SEZ6: variants seen among roughly 807,000 people sequenced by gnomAD.
SEZ6 encodes seizure protein 6 homolog.
Under a neutral mutation model 101.0 loss-of-function variants are expected in SEZ6, and 53 were observed. The observed-to-expected ratio is 0.52, with a 90% CI of 0.42 to 0.66. The LOEUF (loss-of-function observed/expected upper bound fraction) is 0.66, where lower values mean the gene tolerates loss of function less well. Among genes scored for constraint, SEZ6 ranks in the 30% least tolerant of loss-of-function variants. SEZ6 has a pLI of 0.00. For synonymous variants in SEZ6, 488 were observed against 512.2 expected, an observed-to-expected ratio of 0.95 and a Z score of 0.64; for missense variants, 1,102 against 1,289.4, an observed-to-expected ratio of 0.85 and a Z score of 2.23.
In SEZ6 at chr17:28,955,826, G is replaced by T; in HGVS notation, c.*136C>A. On this transcript the variant is annotated 3_prime_UTR_variant, in exon 17 of 17. Coordinates refer to ENST00000317338, the MANE Select transcript of SEZ6 (RefSeq NM_178860.5). ...CAGGCGGGGAAGGGCACAACTTCTTGAGGGCTTGGTGGCATCTCCTCCTAG... is the reference window on the plus strand; with the variant it reads ...CAGGCGGGGAAGGGCACAACTTCTTTAGGGCTTGGTGGCATCTCCTCCTAG... The T allele has an allele frequency of 9.7e-7, 1 of 1,034,324 alleles. No homozygotes were observed. Among genetic ancestry groups the T allele is most frequent in the Non-Finnish European group, 1.5e-6 (1 of 676,642 alleles). The allele number at this position is 1,034,324 out of a possible 1,614,324, so 64.1% of individuals were successfully genotyped here.
At chr17:28,997,100 T>C (rs1489865422) in intron 1 of SEZ6, among the ~76,000 whole-genome samples, 1 of 151,756 alleles carries the variant, frequency 6.6e-6, no homozygotes, top group African/African-American at 2.4e-5. Flanking sequence ...GAGGGAGGCA[T>C]GGGAGAGAAG....
intron 3 of SEZ6, among the ~76,000 whole-genome samples, chr17:28,973,896 T>C (rs1275162360): frequency 6.6e-6 from 1 of 152,182 alleles, no homozygotes; most frequent in African/African-American, 2.4e-5. Context: ...CAGAGGGAGC[T>C]GAGGACAATT....
chr17:28,955,629 C>G lies in SEZ6; in HGVS notation c.*333G>C, dbSNP rs1327509275. On this transcript the variant is annotated 3_prime_UTR_variant, in exon 17 of 17. Transcript: ENST00000317338. ...GGTCATGTGGAGAAAGGTACTCCTG[C>G]TCTGCTAGTGTGTTCCAGGCTGGTC... The G allele has an allele frequency of 3.5e-6, 2 of 563,832 alleles. No homozygotes were observed. The highest frequency in any genetic ancestry group is 6.7e-6 in the Non-Finnish European group (2 of 296,326). 34.9% of individuals were successfully genotyped at this position (563,832 alleles called of 1,614,324 possible).
rs776212951 is a variant in SEZ6, at chr17:28,960,965, C to A, written c.1249G>T (p.Gly417Cys). 1.2e-6 allele frequency: 2 copies of A among 1,612,940 alleles called. No individual in the cohort carries two copies. The highest frequency in any genetic ancestry group is 1.7e-6 in the Non-Finnish European group (2 of 1,179,626). The change falls in exon 6 of 17, where the codon GGC (glycine) becomes TGC (cysteine). Residue 417 changes from glycine (G) to cysteine (C), a missense_variant. By Grantham distance (159) the Gly-to-Cys change is radical. Around this residue, in one of 3 missense-constraint regions of SEZ6, gnomAD observed 556 missense variants for 735.1 expected, o/e 0.76. Transcript: ENST00000317338. ...GTGGTGGCATTGCGGATCACTCCGC[C>A]GCAAGCAGCTGTTAAGACCAGGACA... ...SKEPVCIAACGGVIRNATTGR... is the reference protein window; with the variant it reads ...SKEPVCIAACCGVIRNATTGR...
intron 3 of SEZ6, among the ~76,000 whole-genome samples, chr17:28,975,499 C>T (rs2041209314): frequency 6.6e-6 from 1 of 152,228 alleles, no homozygotes; most frequent in Non-Finnish European, 1.5e-5. Flanking sequence ...TCTTACAAGA[C>T]AGACTCTGTG....
chr17:28,959,440 C>G lies in SEZ6; in HGVS notation c.1804G>C (p.Gly602Arg). Reference protein sequence around the residue: ...VCSGEITDSAGVVLSPNWPEP... With the variant: ...VCSGEITDSARVVLSPNWPEP... ...GGCCAGTTGGGAGAGAGTACCACGCCAGCCGAGTCTGTGATCTCCCCGCTG... is the reference window on the plus strand; with the variant it reads ...GGCCAGTTGGGAGAGAGTACCACGCGAGCCGAGTCTGTGATCTCCCCGCTG... Residue 602 changes from glycine to arginine, a missense_variant, in exon 9 of 17, where the codon GGC (glycine) becomes CGC (arginine). Gly to Arg is a moderately radical substitution (Grantham distance 125, BLOSUM62 -2). Around this residue, in one of 3 missense-constraint regions of SEZ6, gnomAD observed 556 missense variants for 735.1 expected, o/e 0.76. Coordinates refer to ENST00000317338, the MANE Select transcript of SEZ6 (RefSeq NM_178860.5). The surrounding 1 kb of genome is among the most constrained non-coding windows in gnomAD (Gnocchi z 4.4). 2 of 1,613,746 alleles carry G rather than the reference C, an allele frequency of 1.2e-6. No individual in the cohort carries two copies. Among genetic ancestry groups the G allele is most frequent in the Non-Finnish European group, 1.7e-6 (2 of 1,179,872 alleles).
intron 4 of SEZ6, 39 bp from the exon 5 acceptor site, chr17:28,964,186 G>T: frequency 1.3e-6 from 2 of 1,499,788 alleles, no homozygotes; most frequent in African/African-American, 1.4e-5. Flanking sequence ...TATGTGTGCA[G>T]GGTGGGGGCG....
rs377378587 is a variant in SEZ6 at position 28,955,011 on chromosome 17, T to C, written c.*951A>G. Reference sequence around the variant, plus strand: ...GGAGCCCAGACCCCATATAATACATTACATGTACAAAGTGGCTTTCAGCCA... The same window carrying C: ...GGAGCCCAGACCCCATATAATACATCACATGTACAAAGTGGCTTTCAGCCA... On this transcript the variant is annotated 3_prime_UTR_variant, in exon 17 of 17. Transcript: ENST00000317338. 6.7e-6 allele frequency: 1 copy of C among 150,080 alleles called. No homozygotes were observed. The highest frequency in any genetic ancestry group is 1.5e-5 in the Non-Finnish European group (1 of 67,816). 9.3% of individuals were successfully genotyped at this position (150,080 alleles called of 1,614,324 possible). A position where few individuals can be genotyped will look rare whatever the true frequency, so the allele number is the denominator to read the frequency against.
At chr17:28,994,772 C>T (rs1449977232) in intron 1 of SEZ6, among the ~76,000 whole-genome samples, 6 of 151,850 alleles carry the variant, frequency 4.0e-5, no homozygotes, top group African/African-American at 9.7e-5. Flanking sequence ...CCTTTATTAT[C>T]GGTGCTCAAC....
At chr17:28,973,316 C>T (rs1430581068) in intron 3 of SEZ6, among the ~76,000 whole-genome samples, 1 of 152,222 alleles carries the variant, frequency 6.6e-6, no homozygotes, top group African/African-American at 2.4e-5. Context: ...AACATCTAGA[C>T]ATCTTTATTC....
rs772513121 is a variant in SEZ6, at chr17:28,956,744, C to T, written c.2706G>A (p.Gly902=). 4.5e-6 allele frequency: 7 copies of T among 1,563,860 alleles called. 1 individual carries two copies. In the South Asian group the frequency reaches 8.3e-5, roughly 18 times the overall value. The change falls in exon 14 of 17, where the codon GGG becomes GGA. Residue 902 remains glycine (G), a synonymous_variant. Coordinates refer to ENST00000317338, the MANE Select transcript of SEZ6 (RefSeq NM_178860.5). ...CATCCAGGCTGCGACTGTTGTAGAA[C>T]CCATCCAGAGAGGCTGGAACAAAAG... ...PPICRAASLD[G]FYNSRSLDVA...
chr17:28,963,040 C>T (rs528057695), intron 5 of SEZ6, among the ~76,000 whole-genome samples: 1 of 150,542 alleles, frequency 6.6e-6, no homozygotes, highest in South Asian at 2.1e-4. Flanking sequence ...AGGAGAATGG[C>T]GTGAACCTGG....
intron 4 of SEZ6, 110 bp downstream of exon 4, chr17:28,969,633 TGCTATGTGTCACTA>T: frequency 1.1e-6 from 1 of 883,298 alleles, no homozygotes. Context: ...TGGACATTTG[TGCTATGTGTCACTA>T]GCCCCTCTCT....
At chr17:28,977,877 G>A (rs769097427) in intron 3 of SEZ6, among the ~76,000 whole-genome samples, 5 of 152,200 alleles carry the variant, frequency 3.3e-5, no homozygotes, top group Admixed American at 6.5e-5. Context: ...TTAATTAAGC[G>A]GTGCTGAGTG....
rs368310576 is a variant in SEZ6 at position 28,981,573 on chromosome 17, A to G, written c.522T>C (p.Thr174=). 1 of 1,611,134 alleles carries G rather than the reference A, an allele frequency of 6.2e-7. No individual in the cohort carries two copies. The highest frequency in any genetic ancestry group is 1.3e-5 in the African/African-American group (1 of 74,834). ...GTGTCCAGGCTCTGCTGGGGGGTGT[A>G]GTGCTGGCTATCTCCCCTGGGCCTA... ...PTLGPGEIAS[T]TPPSRAWTPT... Residue 174 remains threonine, a synonymous_variant, in exon 2 of 17, where the codon ACT becomes ACC. Coordinates refer to ENST00000317338, the MANE Select transcript of SEZ6 (RefSeq NM_178860.5).
At chr17:28,985,131 A>T (rs1177589228) in intron 1 of SEZ6, among the ~76,000 whole-genome samples, 1 of 152,240 alleles carries the variant, frequency 6.6e-6, no homozygotes, top group Non-Finnish European at 1.5e-5. Flanking sequence ...TCAAAGCCCT[A>T]GGTCTTTCCA....
At chr17:28,989,466 G>A (rs1254522760) in intron 1 of SEZ6, among the ~76,000 whole-genome samples, 2 of 152,136 alleles carry the variant, frequency 1.3e-5, no homozygotes, top group East Asian at 3.8e-4. Context: ...GGGTTGTCTA[G>A]CCTAGAGCAG....
At position 28,979,895 on chromosome 17, in the gene SEZ6, G is replaced by A. The variant is rs2152688864; in HGVS notation, c.725-82C>T. ...AAGGCTGAACCGTGTGTGTGTGTGT[G>A]TGTGTGTGTGTGTGTGTGTGTGTGT... On this transcript the variant is annotated intron_variant, in intron 2 of 16. Transcript: ENST00000317338. The A allele has an allele frequency of 9.7e-6, 12 of 1,235,480 alleles. No homozygotes were observed. The African/African-American group carries it at 1.7e-4, about 18-fold the overall frequency. 76.5% of individuals were successfully genotyped at this position (1,235,480 alleles called of 1,614,324 possible).
In SEZ6 at chr17:29,005,764, T is replaced by C. The variant is rs563318304; in HGVS notation, c.55+51A>G. The C allele has an allele frequency of 8.2e-6, 12 of 1,464,032 alleles. No individual in the cohort carries two copies. The East Asian group carries it at 2.7e-4, about 33-fold the overall frequency. The allele number at this position is 1,464,032 out of a possible 1,614,324, so 90.7% of individuals were successfully genotyped here. A position where few individuals can be genotyped will look rare whatever the true frequency, so the allele number is the denominator to read the frequency against. ...GGCACCGGGTCTCCCTTCCCACCCC[T>C]GGGGCCCCGCTCCCGCCCCCGTCCT... On this transcript the variant is annotated intron_variant, in intron 1 of 16. Coordinates refer to ENST00000317338, the MANE Select transcript of SEZ6 (RefSeq NM_178860.5). The surrounding 1 kb of genome is among the most constrained non-coding windows in gnomAD (Gnocchi z 4.8).
Sources: gnomAD v4.1 joint callset for allele counts (sites outside exome capture counted in the v4.1 genomes callset) on GRCh38, gnomAD v4.1.1 for gene constraint, gnomAD v4.1.1 regional missense constraint, Gnocchi (gnomAD v3.1) non-coding constraint, MANE v1.5 for transcripts, NCBI Gene and HGNC (gene_info 2026-07-23, HGNC 2026-07-21) for gene names.